The following PDE4D variants were observed in gnomAD, a reference collection of about 807,000 sequenced individuals.
PDE4D encodes phosphodiesterase 4D.
Under a neutral mutation model 87.4 loss-of-function variants are expected in PDE4D, and 24 were observed. The ratio of observed to expected loss-of-function variants is 0.27; its 90% CI spans 0.20 to 0.39. The LOEUF (loss-of-function observed/expected upper bound fraction) is 0.39, where lower values mean the gene tolerates loss of function less well. Among genes scored for constraint, PDE4D ranks in the 10% least tolerant of loss-of-function variants. The pLI is 1.00. For missense variants in PDE4D, 714 were observed against 1,041.0 expected, an observed-to-expected ratio of 0.69 and a Z score of 4.32; for synonymous variants, 384 against 383.2, an observed-to-expected ratio of 1.00 and a Z score of -0.02.
In PDE4D at chr5:59,734,000, T is replaced by C. The variant is rs187138278; in HGVS notation, c.455+159168A>G. Among the ~76,000 whole-genome samples, 37 of 152,062 alleles carry C rather than the reference T, an allele frequency of 2.4e-4. No individual in the cohort carries two copies. In the East Asian group the frequency reaches 7.0e-3, roughly 29 times the overall value. ...TTTTAAGGAATTTTTTATTCCAGAG[T>C]CTATGGTATCATAAACTTCTATTTA... On this transcript the variant is annotated intron_variant, in intron 1 of 14. Coordinates refer to ENST00000340635, the MANE Select transcript of PDE4D (RefSeq NM_001104631.2).
chr5:59,226,142 C>T (rs1222481670), intron 1 of PDE4D, among the ~76,000 whole-genome samples: 2 of 152,140 alleles, frequency 1.3e-5, no homozygotes. Context: ...ACCAATTCAA[C>T]TTCTGGGTAT....
In PDE4D at chr5:59,728,366, T is replaced by G. The variant is rs536139382; in HGVS notation, c.455+164802A>C. On this transcript the variant is annotated intron_variant, in intron 1 of 14. Coordinates refer to ENST00000340635, the MANE Select transcript of PDE4D (RefSeq NM_001104631.2). ...TAATCTGAAAGATCTTTGGTTTGAT[T>G]TAAAAATCAAGTCAAATCTTTGTAT... Among the ~76,000 whole-genome samples, 7 of 152,254 alleles carry G rather than the reference T, an allele frequency of 4.6e-5. No individual in the cohort carries two copies. In the East Asian group the frequency reaches 1.2e-3, roughly 25 times the overall value.
intron 1 of PDE4D, among the ~76,000 whole-genome samples, chr5:59,836,631 T>TATCTATC (rs1554095496): frequency 1.3e-5 from 2 of 149,584 alleles, no homozygotes; most frequent in Non-Finnish European, 2.9e-5. Flanking sequence ...TCTATCTATC[T>TATCTATC]ATCTATCTAT....
At position 59,038,735 on chromosome 5, in the gene PDE4D, T is replaced by C. The variant is rs578235590; in HGVS notation, c.921+124A>G. On this transcript the variant is annotated intron_variant, in intron 6 of 14. Coordinates refer to ENST00000340635, the MANE Select transcript of PDE4D (RefSeq NM_001104631.2). ...AGGAACCTCCCTCTAAGGAGCAGAA[T>C]AGCCAACATGCAGTAAGCCTAAAAA... 3.2e-5 allele frequency: 29 copies of C among 894,772 alleles called. No homozygotes were observed. The African/African-American group carries it at 4.4e-4, about 13-fold the overall frequency. The allele number at this position is 894,772 out of a possible 1,614,324, so 55.4% of individuals were successfully genotyped here.
chr5:59,245,948 G>A (rs1409181421), intron 1 of PDE4D, among the ~76,000 whole-genome samples: 1 of 151,588 alleles, frequency 6.6e-6, no homozygotes, highest in Admixed American at 6.6e-5. Flanking sequence ...AGAGGAAGTA[G>A]TCAAACAAGT....
At chr5:59,709,316 C>T (rs901112751) in intron 1 of PDE4D, among the ~76,000 whole-genome samples, 1 of 152,150 alleles carries the variant, frequency 6.6e-6, no homozygotes, top group African/African-American at 2.4e-5. Flanking sequence ...ACCCCCTTAG[C>T]TGTAACAAAG....
At chr5:59,513,580 T>C (rs993387168) in intron 1 of PDE4D, among the ~76,000 whole-genome samples, 1 of 152,178 alleles carries the variant, frequency 6.6e-6, no homozygotes, top group Non-Finnish European at 1.5e-5. Context: ...ATAACCTTCA[T>C]GAGCAGGCTA....
chr5:59,968,815 C>T (rs1277221584), intron 3 of PDE4D, among the ~76,000 whole-genome samples: 3 of 152,036 alleles, frequency 2.0e-5, no homozygotes, highest in African/African-American at 2.4e-5. Context: ...AATAATGGTA[C>T]CTACCGTAGC....
intron 5 of PDE4D, among the ~76,000 whole-genome samples, chr5:59,178,178 G>A (rs531342671): frequency 2.0e-5 from 3 of 152,228 alleles, no homozygotes; most frequent in South Asian, 2.1e-4. Flanking sequence ...GGCTCAGAAA[G>A]GGGAACCTTC....
intron 1 of PDE4D, among the ~76,000 whole-genome samples, chr5:60,201,826 C>T (rs1260946152): frequency 1.3e-5 from 2 of 151,990 alleles, no homozygotes; most frequent in Non-Finnish European, 2.9e-5. Flanking sequence ...AGAAGAGAAT[C>T]CAATAGAACT....
At chr5:59,344,699 C>T (rs1582073709) in intron 1 of PDE4D, among the ~76,000 whole-genome samples, 2 of 152,126 alleles carry the variant, frequency 1.3e-5, no homozygotes, top group South Asian at 2.1e-4. Context: ...TGCCCCACCT[C>T]GTATGCTTTT....
chr5:60,302,839 T>C (rs1166442703), intron 1 of PDE4D, among the ~76,000 whole-genome samples: 1 of 151,872 alleles, frequency 6.6e-6, no homozygotes, highest in Non-Finnish European at 1.5e-5. Flanking sequence ...TTGTTTTGTT[T>C]TGTTTTGTTT....
chr5:59,506,684 A>T (rs1809328836), intron 1 of PDE4D, among the ~76,000 whole-genome samples: 2 of 152,208 alleles, frequency 1.3e-5, no homozygotes, highest in East Asian at 3.8e-4. Context: ...CAGAAAAAAA[A>T]ATTAATGCAC....
chr5:60,251,193 T>C (rs1025558422), intron 1 of PDE4D, among the ~76,000 whole-genome samples: 1 of 151,994 alleles, frequency 6.6e-6, no homozygotes. Context: ...AGCTATTAAT[T>C]TTTTATTGAA....
chr5:59,530,398 G>A (rs960463674), intron 1 of PDE4D, among the ~76,000 whole-genome samples: 1 of 152,042 alleles, frequency 6.6e-6, no homozygotes, highest in Non-Finnish European at 1.5e-5. Flanking sequence ...AGGTCTTCAG[G>A]CAGATACCAA....
chr5:59,244,668 A>ATGTG (rs1162437569), intron 1 of PDE4D, among the ~76,000 whole-genome samples: 4 of 107,008 alleles, frequency 3.7e-5, no homozygotes, highest in East Asian at 5.9e-4. Flanking sequence ...ATATGTATGT[A>ATGTG]TGTGTGTGTG....
chr5:59,024,152 A>G (rs1436846351), intron 6 of PDE4D, among the ~76,000 whole-genome samples: 1 of 150,838 alleles, frequency 6.6e-6, no homozygotes, highest in Non-Finnish European at 1.5e-5. Flanking sequence ...TCGACCTCCC[A>G]AAGTGCTGGG....
intron 1 of PDE4D, among the ~76,000 whole-genome samples, chr5:60,377,712 C>T (rs1048178700): frequency 2.0e-5 from 3 of 152,040 alleles, no homozygotes; most frequent in African/African-American, 7.2e-5. Flanking sequence ...TATATTACTC[C>T]CCGTTAAAGG....
chr5:60,317,026 C>CT (rs138751619), intron 1 of PDE4D, among the ~76,000 whole-genome samples: 1 of 152,104 alleles, frequency 6.6e-6, no homozygotes, highest in Admixed American at 6.5e-5. Context: ...AGGATTCCCT[C>CT]TTTTTCTATT....
Sources: allele counts gnomAD v4.1 joint callset (sites outside exome capture counted in the v4.1 genomes callset), GRCh38; gene constraint gnomAD v4.1.1; transcripts MANE v1.5; gene names NCBI Gene and HGNC (gene_info 2026-07-23, HGNC 2026-07-21).